PCDH9: variants seen among roughly 807,000 people sequenced by gnomAD.
PCDH9 encodes protocadherin 9, also known as protocadherin-9.
Under a neutral mutation model 70.6 loss-of-function variants are expected in PCDH9, and 24 were observed. That is an observed-to-expected ratio of 0.34 (90% CI 0.25 to 0.48). The LOEUF is 0.48. PCDH9 is among the 20% of genes least tolerant of loss of function. The pLI, the probability that PCDH9 is intolerant of heterozygous loss-of-function variation, is 0.99. For synonymous variants in PCDH9, 562 were observed against 558.5 expected (o/e 1.01, Z -0.09); for missense variants, 1,281 against 1,503.6 (o/e 0.85, Z 2.45).
chr13:66,812,783 G>A (rs75638639), intron 3 of PCDH9, among the ~76,000 whole-genome samples: 4 of 152,130 alleles, frequency 2.6e-5, no homozygotes, highest in African/African-American at 7.2e-5. Context: ...ATTAGGAATA[G>A]GTTTATTTAG....
chr13:67,047,495 T>G (rs962953152), intron 2 of PCDH9, among the ~76,000 whole-genome samples: 2 of 152,216 alleles, frequency 1.3e-5, no homozygotes, highest in African/African-American at 4.8e-5. Context: ...TTCCTCCTTC[T>G]GTTCATTGGC....
At chr13:66,899,317 T>C (rs2082238296) in intron 3 of PCDH9, among the ~76,000 whole-genome samples, 1 of 152,058 alleles carries the variant, frequency 6.6e-6, no homozygotes, top group African/African-American at 2.4e-5. Context: ...TTCATACTCA[T>C]GATAACTGCC....
intron 4 of PCDH9, among the ~76,000 whole-genome samples, chr13:66,549,723 A>G (rs1202209094): frequency 6.6e-6 from 1 of 152,078 alleles, no homozygotes; most frequent in Non-Finnish European, 1.5e-5. Flanking sequence ...ATATGGTAGT[A>G]ATCAAAATAA....
At chr13:66,704,664 G>T (rs1030149416) in intron 3 of PCDH9, among the ~76,000 whole-genome samples, 3 of 152,064 alleles carry the variant, frequency 2.0e-5, no homozygotes, top group African/African-American at 7.2e-5. Flanking sequence ...ATGGTGTCAG[G>T]AAAGAAAATG....
At chr13:67,191,843 C>T (rs1459723295) in intron 2 of PCDH9, among the ~76,000 whole-genome samples, 1 of 152,110 alleles carries the variant, frequency 6.6e-6, no homozygotes, top group African/African-American at 2.4e-5. Flanking sequence ...AGAAATTGAA[C>T]TAACTCAAAG....
intron 3 of PCDH9, among the ~76,000 whole-genome samples, chr13:66,659,791 T>C (rs1015495007): frequency 6.6e-6 from 1 of 152,008 alleles, no homozygotes; most frequent in Non-Finnish European, 1.5e-5. Flanking sequence ...AGAAGCTGAT[T>C]TGGGGTGTGT....
At chr13:66,370,197 A>T (rs973340962) in intron 4 of PCDH9, among the ~76,000 whole-genome samples, 3 of 151,992 alleles carry the variant, frequency 2.0e-5, no homozygotes, top group Non-Finnish European at 4.4e-5. Context: ...CAAATCAGGA[A>T]TGTCTTCCTC....
At chr13:66,915,961 T>C (rs1008418448) in intron 2 of PCDH9, among the ~76,000 whole-genome samples, 2 of 151,554 alleles carry the variant, frequency 1.3e-5, no homozygotes, top group African/African-American at 4.8e-5. Context: ...TCCTTTCCCT[T>C]TGGGTGACTT....
rs972933699 is a variant in PCDH9 at position 66,679,218 on chromosome 13, G to A, written c.3139-47807C>T. On this transcript the variant is annotated intron_variant, in intron 3 of 4. Coordinates refer to ENST00000377865, the MANE Select transcript of PCDH9 (RefSeq NM_203487.3). Reference sequence around the variant, plus strand: ...ACAATTTAATCTTTAAAAAGGTTTAGCTACAGTCTTTTTATAATTCCTTAT... The same window carrying A: ...ACAATTTAATCTTTAAAAAGGTTTAACTACAGTCTTTTTATAATTCCTTAT... Among the ~76,000 whole-genome samples the A allele has an allele frequency of 2.0e-5, 3 of 151,506 alleles. No homozygotes were observed. The East Asian group carries it at 5.8e-4, about 29-fold the overall frequency.
chr13:66,456,414 A>G lies in PCDH9; in HGVS notation c.3341-151386T>C, dbSNP rs184952411. ...GCGGCTAGGACTACAGAGGTATACC[A>G]CCACACCTAGCTAATTTTCAAATTT... On this transcript the variant is annotated intron_variant, in intron 4 of 4. Coordinates refer to ENST00000377865, the MANE Select transcript of PCDH9 (RefSeq NM_203487.3). 5.2e-3 allele frequency among the ~76,000 whole-genome samples: 796 copies of G among 152,108 alleles called. 6 individuals are homozygous for G. Among genetic ancestry groups the G allele is most frequent in the Middle Eastern group, 0.01 (3 of 294 alleles).
At chr13:66,925,485 T>C (rs1227190666) in intron 2 of PCDH9, among the ~76,000 whole-genome samples, 2 of 151,944 alleles carry the variant, frequency 1.3e-5, no homozygotes, top group Non-Finnish European at 2.9e-5. Context: ...GACACTAGAA[T>C]ATAAAAGTGT....
intron 3 of PCDH9, among the ~76,000 whole-genome samples, chr13:66,737,201 C>CTT (rs10672926): frequency 6.6e-6 from 1 of 151,886 alleles, no homozygotes; most frequent in African/African-American, 2.4e-5. Context: ...TATTTGTTCT[C>CTT]TATTTCTATT....
At chr13:66,531,055 AT>A (rs138585528) in intron 4 of PCDH9, among the ~76,000 whole-genome samples, 3,436 of 151,908 alleles carry the variant, frequency 0.023, 129 homozygotes, top group African/African-American at 0.078. Context: ...AAGAAAAAGG[AT>A]TTTTAAAATA....
At chr13:66,487,565 A>C (rs1479152209) in intron 4 of PCDH9, among the ~76,000 whole-genome samples, 1 of 152,176 alleles carries the variant, frequency 6.6e-6, no homozygotes, top group Non-Finnish European at 1.5e-5. Context: ...GTCAATGTCC[A>C]TATAATATTC....
At chr13:66,674,419 T>G (rs977130871) in intron 3 of PCDH9, among the ~76,000 whole-genome samples, 2 of 133,590 alleles carry the variant, frequency 1.5e-5, no homozygotes, top group Non-Finnish European at 3.4e-5. Context: ...TATACTGTAT[T>G]GTGTTAAAAA....
intron 3 of PCDH9, among the ~76,000 whole-genome samples, chr13:66,824,692 A>ATATATATG (rs1316094273): frequency 3.9e-4 from 51 of 131,026 alleles, no homozygotes; most frequent in African/African-American, 1.5e-3. Context: ...ATATATATAT[A>ATATATATG]TATATGCACA....
intron 4 of PCDH9, among the ~76,000 whole-genome samples, chr13:66,387,346 C>T (rs569092351): frequency 6.6e-6 from 1 of 152,152 alleles, no homozygotes; most frequent in South Asian, 2.1e-4. Flanking sequence ...TCTTGGGCTT[C>T]TCAAGTAGGT....
chr13:66,639,547 T>C (rs1161845768), intron 3 of PCDH9, among the ~76,000 whole-genome samples: 1 of 152,190 alleles, frequency 6.6e-6, no homozygotes, highest in East Asian at 1.9e-4. Context: ...TTGGTATCTT[T>C]AAGAAACTTG....
At chr13:66,802,695 A>G (rs1007630601) in intron 3 of PCDH9, among the ~76,000 whole-genome samples, 1 of 152,116 alleles carries the variant, frequency 6.6e-6, no homozygotes, top group Non-Finnish European at 1.5e-5. Context: ...AAAACTATTA[A>G]TATTTGATTT....
Sources: gnomAD v4.1 joint callset for allele counts (sites outside exome capture counted in the v4.1 genomes callset) on GRCh38, gnomAD v4.1.1 for gene constraint, MANE v1.5 for transcripts, NCBI Gene and HGNC (gene_info 2026-07-23, HGNC 2026-07-21) for gene names.